Variants in NECTIN3 observed in about 807,000 individuals in gnomAD.
NECTIN3 encodes nectin cell adhesion molecule 3.
A neutral mutation model predicts 49.4 loss-of-function variants in NECTIN3; 8 were observed. That is an observed-to-expected ratio of 0.16 (90% CI 0.10 to 0.29). NECTIN3 has a LOEUF of 0.29. NECTIN3 is among the 10% of genes least tolerant of loss of function. The pLI, the probability that NECTIN3 is intolerant of heterozygous loss-of-function variation, is 1.00. For synonymous variants in NECTIN3, 277 were observed against 241.1 expected (o/e 1.15, Z -1.38); for missense variants, 581 against 654.6 (o/e 0.89, Z 1.23).
intron 7 of NECTIN3, among the ~76,000 whole-genome samples, chr3:111,174,102 C>A (rs1195624022): frequency 2.5e-4 from 38 of 152,212 alleles, no homozygotes; most frequent in Admixed American, 2.4e-3. Flanking sequence ...TAACCCAGTA[C>A]TCCCAGTATG....
chr3:111,147,424 T>A, exon 7 of NECTIN3: 1 of 1,532,940 alleles, frequency 6.5e-7, no homozygotes, highest in Non-Finnish European at 8.7e-7. Flanking sequence ...CACCCACACA[T>A]AAACCACCTC....
rs77544074 is a variant in NECTIN3, at chr3:111,083,155, G to A, written c.160+10978G>A. Among the ~76,000 whole-genome samples the A allele has an allele frequency of 0.04, 6,139 of 152,208 alleles. 704 individuals are homozygous for A. The East Asian group carries it at 0.45, about 11-fold the overall frequency. ...TCCTGACAGGCCACAGACTCGTACG[G>A]GGGTTGGAGACCCCTGTCTTCAAGG... On this transcript the variant is annotated intron_variant, in intron 1 of 5. Transcript: ENST00000485303.
chr3:111,114,150 A>G (rs2033588973), intron 2 of NECTIN3, among the ~76,000 whole-genome samples: 1 of 152,222 alleles, frequency 6.6e-6, no homozygotes, highest in East Asian at 1.9e-4. Context: ...ATTAGTCATT[A>G]TGTTGTCCAC....
chr3:111,103,437 G>A (rs935288102), intron 1 of NECTIN3, among the ~76,000 whole-genome samples: 13 of 150,082 alleles, frequency 8.7e-5, no homozygotes, highest in African/African-American at 2.2e-4. Context: ...TTACTGATAC[G>A]TAAGAAAGTG....
chr3:111,185,162 T>A (rs1168392411), intron 7 of NECTIN3, among the ~76,000 whole-genome samples: 1 of 152,168 alleles, frequency 6.6e-6, no homozygotes, highest in Non-Finnish European at 1.5e-5. Context: ...TTTGTCTTCT[T>A]CAGGACCCTG....
intron 1 of NECTIN3, among the ~76,000 whole-genome samples, chr3:111,110,320 CTACTT>C (rs1466447832): frequency 1.3e-5 from 2 of 151,860 alleles, no homozygotes; most frequent in Admixed American, 6.6e-5. Context: ...TGAGAAGAAT[CTACTT>C]TATTAAGAAT....
chr3:111,110,485 T>TGG (rs2033409889), intron 1 of NECTIN3, among the ~76,000 whole-genome samples: 1 of 152,076 alleles, frequency 6.6e-6, no homozygotes. Flanking sequence ...TAGTCCTACT[T>TGG]GGCTGTGTAG....
intron 6 of NECTIN3, among the ~76,000 whole-genome samples, chr3:111,145,871 T>TA (rs972780180): frequency 2.0e-5 from 3 of 152,216 alleles, no homozygotes; most frequent in African/African-American, 7.2e-5. Flanking sequence ...TTTGCTTCTC[T>TA]AATTTGGCAC....
At chr3:111,132,172 C>A (rs1237648015) in intron 5 of NECTIN3, among the ~76,000 whole-genome samples, 1 of 151,808 alleles carries the variant, frequency 6.6e-6, no homozygotes, top group Admixed American at 6.6e-5. Context: ...TGAATGTTTT[C>A]ATAAATTAAA....
intron 1 of NECTIN3, among the ~76,000 whole-genome samples, chr3:111,098,728 A>G (rs1011861036): frequency 1.3e-5 from 2 of 152,102 alleles, no homozygotes; most frequent in Non-Finnish European, 1.5e-5. Flanking sequence ...TTTCCAGTAC[A>G]ATATGTGAAC....
At chr3:111,074,111 T>C (rs964460727) in intron 1 of NECTIN3, 2 of 413,856 alleles carry the variant, frequency 4.8e-6, no homozygotes, top group African/African-American at 2.1e-5. Flanking sequence ...TTTTGGCTTA[T>C]AGTGTTATAA....
rs139953013 is a variant in NECTIN3, at chr3:111,192,776, G to A, written c.63+363G>A. On this transcript the variant is annotated intron_variant, in intron 1 of 1. Transcript: ENST00000485506. ...AATGCCAGTTCATTTTGCTGTGTCC[G>A]TTCCCCAGTTCCCCAGAGCTGAGTC... Among the ~76,000 whole-genome samples, 471 of 152,242 alleles carry A rather than the reference G, an allele frequency of 3.1e-3. 1 individual carries two copies. Among genetic ancestry groups the A allele is most frequent in the Non-Finnish European group, 5.3e-3 (361 of 68,010 alleles).
At chr3:111,193,467 C>T (rs770268222) in intron 1 of NECTIN3, 4 of 1,355,294 alleles carry the variant, frequency 3.0e-6, no homozygotes, top group Non-Finnish European at 4.0e-6. Context: ...TTTACTGTCT[C>T]TCATATAAGA....
At chr3:111,082,930 C>A (rs1426012844) in intron 1 of NECTIN3, among the ~76,000 whole-genome samples, 2 of 152,156 alleles carry the variant, frequency 1.3e-5, no homozygotes, top group African/African-American at 4.8e-5. Context: ...ATAGATCCCC[C>A]ACATGTGCAG....
In NECTIN3 at chr3:111,118,843, G is replaced by C. The variant is rs1259300768; in HGVS notation, c.690G>C (p.Gln230His). ...FPNETATIIS[Q>H]YKLFPTRFAR... is the part of the protein sequence containing the mutation. The stretch of plus-strand genomic sequence containing the variant: ...ATGAAACGGCAACGATTATCAGCCA[G>C]TACAAGCTATTTCCAACCAGATTTG... The change falls in exon 3 of 6, where the codon CAG (glutamine) becomes CAC (histidine). Residue 230 changes from glutamine (Q) to histidine (H), a missense_variant. Around this residue, in one of 3 missense-constraint regions of NECTIN3, gnomAD observed 234 missense variants for 340.6 expected, o/e 0.69. Coordinates refer to ENST00000485303, the MANE Select transcript of NECTIN3 (RefSeq NM_015480.3). 6.2e-7 allele frequency: 1 copy of C among 1,614,024 alleles called. No homozygotes were observed. The highest frequency in any genetic ancestry group is 1.3e-5 in the African/African-American group (1 of 74,924).
At chr3:111,132,657 C>T (rs1416101726) in intron 5 of NECTIN3, among the ~76,000 whole-genome samples, 1 of 151,856 alleles carries the variant, frequency 6.6e-6, no homozygotes, top group African/African-American at 2.4e-5. Context: ...TTTAATATTA[C>T]TGGCTATTTA....
Position 111,147,471 on chromosome 3 carries a change from A to G in NECTIN3, c.1208A>G (p.Lys403Arg), listed in dbSNP as rs553513554. The G allele has an allele frequency of 3.9e-5, 60 of 1,525,114 alleles. 1 individual carries two copies. In the South Asian group the frequency reaches 7.2e-4, roughly 18 times the overall value. 94.5% of individuals were successfully genotyped at this position (1,525,114 alleles called of 1,614,324 possible). A position where few individuals can be genotyped will look rare whatever the true frequency, so the allele number is the denominator to read the frequency against. ...GAACGATCCCCACCTTTGCCTCAGA[A>G]AGACCTATTTCAGGTATGTGTTCAT... The change falls in exon 7 of 9, where the codon AAA (lysine) becomes AGA (arginine). Residue 403 changes from lysine to arginine, a missense_variant. By Grantham distance (26) the Lys-to-Arg change is conservative (BLOSUM62 2). Transcript: ENST00000493615.
upstream of NECTIN3, among the ~76,000 whole-genome samples, chr3:111,188,290 C>G (rs1040122166): frequency 2.0e-5 from 3 of 152,100 alleles, no homozygotes; most frequent in African/African-American, 7.2e-5. Context: ...TTTCCATAGC[C>G]CAGTTCCCTA....
At chr3:111,152,237 G>T (rs1317561920) in intron 7 of NECTIN3, among the ~76,000 whole-genome samples, 1 of 151,804 alleles carries the variant, frequency 6.6e-6, no homozygotes, top group Non-Finnish European at 1.5e-5. Flanking sequence ...AGTATAATCT[G>T]CAGGGTAAAT....
Sources: allele counts gnomAD v4.1 joint callset (sites outside exome capture counted in the v4.1 genomes callset), GRCh38; gene constraint gnomAD v4.1.1; regional missense constraint gnomAD v4.1.1; transcripts MANE v1.5; gene names NCBI Gene and HGNC (gene_info 2026-07-23, HGNC 2026-07-21).